The following SLC39A11 variants were observed in gnomAD, a reference collection of about 807,000 sequenced individuals.
SLC39A11 encodes the protein solute carrier family 39 member 11, also known as zinc transporter ZIP11.
A neutral mutation model predicts 36.1 loss-of-function variants in SLC39A11; 33 were observed. The ratio of observed to expected loss-of-function variants is 0.91; its 90% CI spans 0.69 to 1.22. SLC39A11 has a LOEUF of 1.22. Among genes scored for constraint, SLC39A11 ranks in the 50% most tolerant of loss-of-function variants. The pLI is 0.00. For missense variants in SLC39A11, 432 were observed against 430.3 expected (o/e 1.00, Z -0.03); for synonymous variants, 166 against 170.3 (o/e 0.97, Z 0.20).
At chr17:72,784,082 C>T (rs569942716) in intron 6 of SLC39A11, among the ~76,000 whole-genome samples, 7 of 152,264 alleles carry the variant, frequency 4.6e-5, no homozygotes, top group East Asian at 3.9e-4. Context: ...TGGTGCCTCA[C>T]GCCTGTAATC....
In SLC39A11 at chr17:72,881,663, C is replaced by T. The variant is rs111783175; in HGVS notation, c.431-31859G>A. Among the ~76,000 whole-genome samples the T allele has an allele frequency of 7.2e-5, 11 of 152,252 alleles. 1 individual carries two copies. Among genetic ancestry groups the T allele is most frequent in the African/African-American group, 9.6e-5 (4 of 41,546 alleles). On this transcript the variant is annotated intron_variant, in intron 5 of 9. Coordinates refer to ENST00000255559, the MANE Select transcript of SLC39A11 (RefSeq NM_139177.4). ...CATAGAGCTGGCATCCCATGGAACA[C>T]GTTGCAAAATACGACAAAATCTGTT...
intron 6 of SLC39A11, chr17:72,837,885 G>A: frequency 1.8e-6 from 2 of 1,140,084 alleles, no homozygotes; most frequent in Non-Finnish European, 2.2e-6. Context: ...GCTGGAGGGA[G>A]GGAGGAATGG....
chr17:72,691,587 A>G (rs1334098570), intron 7 of SLC39A11, among the ~76,000 whole-genome samples: 1 of 152,208 alleles, frequency 6.6e-6, no homozygotes, highest in Non-Finnish European at 1.5e-5. Flanking sequence ...TTTTCAATGA[A>G]AAACAGTACA....
In SLC39A11 at chr17:73,051,939, T is replaced by A. The variant is rs80033826; in HGVS notation, c.148-20225A>T. 9.4e-3 allele frequency among the ~76,000 whole-genome samples: 1,419 copies of A among 151,436 alleles called. 22 individuals are homozygous for A. Among genetic ancestry groups the A allele is most frequent in the African/African-American group, 0.032 (1,337 of 41,248 alleles). On this transcript the variant is annotated intron_variant, in intron 3 of 9. Transcript: ENST00000255559. ...AATGGAAGAAAAATCAAAGAAAATG[T>A]ATCATCAGGCTTAGGACACTGATTC...
intron 5 of SLC39A11, among the ~76,000 whole-genome samples, chr17:72,919,537 T>A (rs1281075243): frequency 6.6e-6 from 1 of 151,546 alleles, no homozygotes; most frequent in Non-Finnish European, 1.5e-5. Context: ...CCGGGCGTGG[T>A]GGCGGGCGCC....
chr17:72,916,094 C>G (rs570506310), intron 5 of SLC39A11, among the ~76,000 whole-genome samples: 1 of 152,296 alleles, frequency 6.6e-6, no homozygotes, highest in South Asian at 2.1e-4. Context: ...AATTAATGAG[C>G]AAATGCTGGA....
chr17:73,079,291 T>A (rs2060437605), intron 3 of SLC39A11, among the ~76,000 whole-genome samples: 1 of 152,078 alleles, frequency 6.6e-6, no homozygotes, highest in Non-Finnish European at 1.5e-5. Context: ...GAGACGGGGT[T>A]TCACCATGTT....
intron 5 of SLC39A11, among the ~76,000 whole-genome samples, chr17:72,897,073 A>AAC (rs2082072964): frequency 1.4e-5 from 2 of 147,724 alleles, no homozygotes; most frequent in South Asian, 4.3e-4. Flanking sequence ...AAAAAAAAAC[A>AAC]AACAGAAAAA....
chr17:72,654,440 G>T (rs370348119), intron 7 of SLC39A11, among the ~76,000 whole-genome samples: 1 of 152,212 alleles, frequency 6.6e-6, no homozygotes, highest in Non-Finnish European at 1.5e-5. Flanking sequence ...TCATGTGCAA[G>T]CTGACCCTGA....
chr17:73,039,371 G>A (rs879937345), intron 3 of SLC39A11, among the ~76,000 whole-genome samples: 7 of 152,046 alleles, frequency 4.6e-5, no homozygotes, highest in African/African-American at 9.7e-5. Flanking sequence ...CCCCCAGAAC[G>A]TCGCACATGC....
chr17:72,894,362 A>C (rs1339888118), intron 5 of SLC39A11, among the ~76,000 whole-genome samples: 2 of 32,184 alleles, frequency 6.2e-5, no homozygotes, highest in African/African-American at 1.6e-3. Flanking sequence ...CTCTGTCTCA[A>C]AAAAAAAAAA....
intron 7 of SLC39A11, among the ~76,000 whole-genome samples, chr17:72,702,195 T>C (rs1357952550): frequency 6.6e-6 from 1 of 152,222 alleles, no homozygotes; most frequent in African/African-American, 2.4e-5. Context: ...TCTCATAAAC[T>C]CGCAAGCTAA....
intron 6 of SLC39A11, among the ~76,000 whole-genome samples, chr17:72,796,408 TGCTGC>T (rs751304057): frequency 2.6e-5 from 4 of 152,108 alleles, no homozygotes. Flanking sequence ...GAGGGCTTTT[TGCTGC>T]GCTCCTATTC....
chr17:72,738,390 T>G (rs2074526471), intron 6 of SLC39A11, among the ~76,000 whole-genome samples: 1 of 152,190 alleles, frequency 6.6e-6, no homozygotes, highest in East Asian at 1.9e-4. Context: ...AGATGCGGTC[T>G]ACACTGATGG....
chr17:73,054,944 G>C (rs140494449), intron 3 of SLC39A11, among the ~76,000 whole-genome samples: 2 of 152,006 alleles, frequency 1.3e-5, no homozygotes, highest in Non-Finnish European at 1.5e-5. Context: ...ACAAAGACTC[G>C]ATGACAAGGA....
At chr17:73,026,762 A>C (rs891494829) in intron 4 of SLC39A11, among the ~76,000 whole-genome samples, 6 of 152,056 alleles carry the variant, frequency 3.9e-5, no homozygotes, top group Non-Finnish European at 8.8e-5. Flanking sequence ...GGACACACAC[A>C]CACTACCCTC....
chr17:73,046,700 G>A (rs570923327), intron 3 of SLC39A11, among the ~76,000 whole-genome samples: 7 of 152,120 alleles, frequency 4.6e-5, no homozygotes, highest in African/African-American at 1.2e-4. Context: ...CCAGCACTTC[G>A]GGAGGTCGAA....
chr17:72,701,565 T>C (rs955366080), intron 7 of SLC39A11, among the ~76,000 whole-genome samples: 2 of 151,300 alleles, frequency 1.3e-5, no homozygotes, highest in Non-Finnish European at 2.9e-5. Flanking sequence ...CTGTCTCTAC[T>C]AAAAATACAA....
At position 72,796,843 on chromosome 17, in the gene SLC39A11, T is replaced by G. The variant is rs145419527; in HGVS notation, c.601+52791A>C. Among the ~76,000 whole-genome samples the G allele has an allele frequency of 3.9e-5, 6 of 152,158 alleles. 1 individual carries two copies. The highest frequency in any genetic ancestry group is 1.2e-4 in the African/African-American group (5 of 41,402). ...GCTCGATACTGTGAAGTGCTAAGTA[T>G]GCAAGAAGATGTGACAACCCAGCCC... On this transcript the variant is annotated intron_variant, in intron 6 of 9. Transcript: ENST00000255559.
Sources: allele counts gnomAD v4.1 joint callset (sites outside exome capture counted in the v4.1 genomes callset), GRCh38; gene constraint gnomAD v4.1.1; transcripts MANE v1.5; gene names NCBI Gene and HGNC (gene_info 2026-07-23, HGNC 2026-07-21).